Variants in RABGAP1L observed in about 807,000 individuals in gnomAD.
RABGAP1L encodes the protein rab GTPase-activating protein 1-like.
A neutral mutation model predicts 137.7 loss-of-function variants in RABGAP1L; 63 were observed. The ratio of observed to expected loss-of-function variants is 0.46; its 90% CI spans 0.37 to 0.56. The LOEUF (loss-of-function observed/expected upper bound fraction) is 0.56, where lower values mean the gene tolerates loss of function less well. Ranked by LOEUF, RABGAP1L falls within the 20% of genes least tolerant of loss-of-function variation. The pLI is 0.00. For missense variants in RABGAP1L, 1,095 were observed against 1,244.0 expected, an observed-to-expected ratio of 0.88 and a Z score of 1.80; for synonymous variants, 431 against 433.7, an observed-to-expected ratio of 0.99 and a Z score of 0.08.
chr1:174,256,206 G>A (rs1673108810), intron 7 of RABGAP1L, among the ~76,000 whole-genome samples: 2 of 152,098 alleles, frequency 1.3e-5, no homozygotes, highest in African/African-American at 4.8e-5. Context: ...GGACGTTTTT[G>A]GAGAATACAT....
chr1:174,532,054 T>C (rs921703677), intron 13 of RABGAP1L, among the ~76,000 whole-genome samples: 1 of 151,828 alleles, frequency 6.6e-6, no homozygotes, highest in Admixed American at 6.6e-5. Context: ...ACATAAGATA[T>C]AGAAATTAGA....
At chr1:174,601,504 G>A (rs1670409101) in intron 13 of RABGAP1L, among the ~76,000 whole-genome samples, 1 of 151,612 alleles carries the variant, frequency 6.6e-6, no homozygotes, top group African/African-American at 2.4e-5. Context: ...CGTGGGGTTG[G>A]GGGCAGGGGG....
chr1:174,334,092 A>T (rs1251611850), intron 11 of RABGAP1L, among the ~76,000 whole-genome samples: 23 of 152,232 alleles, frequency 1.5e-4, no homozygotes, highest in Non-Finnish European at 8.8e-5. Context: ...GACCTTGCAC[A>T]TGTACAATGC....
intron 18 of RABGAP1L, among the ~76,000 whole-genome samples, chr1:174,810,645 T>C (rs1573310542): frequency 6.6e-6 from 1 of 152,210 alleles, no homozygotes; most frequent in African/African-American, 2.4e-5. Context: ...GTACTGACTG[T>C]AAAACATCTA....
At chr1:174,437,046 A>G (rs1456541903) in intron 13 of RABGAP1L, among the ~76,000 whole-genome samples, 1 of 152,282 alleles carries the variant, frequency 6.6e-6, no homozygotes, top group Non-Finnish European at 1.5e-5. Flanking sequence ...CAGAAAGGAC[A>G]TCCACACCAA....
intron 10 of RABGAP1L, among the ~76,000 whole-genome samples, chr1:174,291,510 G>A (rs1676602888): frequency 1.3e-5 from 2 of 152,048 alleles, no homozygotes; most frequent in Admixed American, 1.3e-4. Flanking sequence ...TATTTGCTGG[G>A]AGAATTTTTA....
chr1:174,302,430 G>A (rs945972905), intron 10 of RABGAP1L, among the ~76,000 whole-genome samples: 13 of 152,192 alleles, frequency 8.5e-5, no homozygotes, highest in African/African-American at 2.9e-4. Context: ...AGAAACAAGA[G>A]AGGAAGGAAA....
chr1:174,291,371 T>G (rs1158142426), intron 10 of RABGAP1L, among the ~76,000 whole-genome samples: 3 of 152,062 alleles, frequency 2.0e-5, no homozygotes, highest in African/African-American at 7.3e-5. Flanking sequence ...AGTAATACAT[T>G]TTAAAAATAA....
intron 19 of RABGAP1L, among the ~76,000 whole-genome samples, chr1:174,855,262 A>T (rs116079236): frequency 0.021 from 3,127 of 152,248 alleles, 50 homozygotes; most frequent in Middle Eastern, 0.082. Flanking sequence ...GCAAATCTGA[A>T]CCAGGCAGCC....
chr1:174,887,910 G>A (rs1373708838), intron 19 of RABGAP1L, among the ~76,000 whole-genome samples: 5 of 151,946 alleles, frequency 3.3e-5, no homozygotes, highest in African/African-American at 9.7e-5. Flanking sequence ...GGTGGCATGC[G>A]CCTGTAATTC....
intron 13 of RABGAP1L, among the ~76,000 whole-genome samples, chr1:174,578,104 G>A (rs1180878838): frequency 1.3e-5 from 2 of 152,182 alleles, no homozygotes; most frequent in Non-Finnish European, 2.9e-5. Context: ...TAGTGCATAT[G>A]TGCCTGTTTG....
intron 13 of RABGAP1L, among the ~76,000 whole-genome samples, chr1:174,440,333 C>T (rs1305706929): frequency 6.6e-6 from 1 of 152,142 alleles, no homozygotes; most frequent in African/African-American, 2.4e-5. Context: ...TATTTTGTCT[C>T]TTTTGTGAAT....
chr1:174,479,483 C>G (rs1238752656), intron 13 of RABGAP1L, among the ~76,000 whole-genome samples: 2 of 152,128 alleles, frequency 1.3e-5, no homozygotes, highest in African/African-American at 4.8e-5. Context: ...TATGGACTAA[C>G]ACCACAATTT....
chr1:174,870,840 C>G (rs1211274141), intron 19 of RABGAP1L, among the ~76,000 whole-genome samples: 1 of 151,678 alleles, frequency 6.6e-6, no homozygotes, highest in Non-Finnish European at 1.5e-5. Flanking sequence ...CAGGCTCACG[C>G]CATTCTCCTG....
intron 13 of RABGAP1L, among the ~76,000 whole-genome samples, chr1:174,528,462 A>G (rs1024609267): frequency 6.7e-6 from 1 of 148,428 alleles, no homozygotes; most frequent in African/African-American, 2.5e-5. Flanking sequence ...TTTTAAGGAT[A>G]ATTTTGTTTG....
At chr1:174,738,431 TTC>T in intron 17 of RABGAP1L, among the ~76,000 whole-genome samples, 1 of 152,206 alleles carries the variant, frequency 6.6e-6, no homozygotes, top group East Asian at 1.9e-4. Context: ...CTTATTTGAC[TTC>T]TCTTACCTTG....
chr1:174,294,756 A>G (rs1676955912), intron 10 of RABGAP1L, among the ~76,000 whole-genome samples: 1 of 152,194 alleles, frequency 6.6e-6, no homozygotes, highest in Admixed American at 6.5e-5. Context: ...GGAAGTAAAG[A>G]TAAACAAGAT....
chr1:174,521,980 G>A (rs1663435711), intron 13 of RABGAP1L, among the ~76,000 whole-genome samples: 2 of 152,156 alleles, frequency 1.3e-5, no homozygotes, highest in Non-Finnish European at 2.9e-5. Flanking sequence ...TCAGGAGGCT[G>A]AAGCAGGAGA....
rs554294399 is a variant in RABGAP1L at position 174,327,050 on chromosome 1, A to G, written c.1465+21923A>G. Among the ~76,000 whole-genome samples the G allele has an allele frequency of 1.4e-3, 214 of 152,236 alleles. 1 individual carries two copies. Among genetic ancestry groups the G allele is most frequent in the Non-Finnish European group, 3.8e-4 (26 of 68,006 alleles). On this transcript the variant is annotated intron_variant, in intron 11 of 25. Transcript: ENST00000681986. ...TTCCCTGTAACCAGATCTGCCTTGC[A>G]AAAAAAGGTGAAGAGAGTTTGTCAT...
Sources: allele counts gnomAD v4.1 joint callset (sites outside exome capture counted in the v4.1 genomes callset), GRCh38; gene constraint gnomAD v4.1.1; transcripts MANE v1.5; gene names NCBI Gene and HGNC (gene_info 2026-07-23, HGNC 2026-07-21).